Variants in ARHGAP11B observed in about 807,000 individuals in gnomAD.
The protein encoded by ARHGAP11B is inactive Rho GTPase-activating protein 11B.
A neutral mutation model predicts 27.6 loss-of-function variants in ARHGAP11B; 14 were observed. The ratio of observed to expected loss-of-function variants is 0.51; its 90% CI spans 0.34 to 0.79. ARHGAP11B has a LOEUF of 0.79. Ranked by LOEUF, ARHGAP11B falls within the 30% of genes least tolerant of loss-of-function variation. The probability of loss-of-function intolerance (pLI) is 0.02; values close to 1 mark genes in which losing one functional copy is unlikely to be tolerated. For missense variants in ARHGAP11B, 245 were observed against 320.1 expected (o/e 0.77, Z 1.79); for synonymous variants, 82 against 114.1 (o/e 0.72, Z 1.80).
At chr15:30,646,524 T>C (rs760261108) in intron 9 of ARHGAP11B, among the ~76,000 whole-genome samples, 11 of 151,926 alleles carry the variant, frequency 7.2e-5, no homozygotes, top group Non-Finnish European at 1.5e-4. Flanking sequence ...ATTTCCATTT[T>C]ATGTTAACTT....
At chr15:30,646,508 A>G (rs1305880280) in intron 9 of ARHGAP11B, among the ~76,000 whole-genome samples, 2 of 151,940 alleles carry the variant, frequency 1.3e-5, no homozygotes, top group Non-Finnish European at 2.9e-5. Context: ...TGTTTGTAAT[A>G]CTTAGATTTC....
intron 2 of ARHGAP11B, among the ~76,000 whole-genome samples, chr15:30,631,879 T>C (rs1484497889): frequency 1.3e-5 from 2 of 150,086 alleles, no homozygotes; most frequent in African/African-American, 4.9e-5. Context: ...CTTCACCTCC[T>C]GGGTTCAAGT....
chr15:30,633,939 TGC>T (rs1215584193), intron 3 of ARHGAP11B, among the ~76,000 whole-genome samples: 1 of 151,636 alleles, frequency 6.6e-6, no homozygotes, highest in Non-Finnish European at 1.5e-5. Context: ...GCAGGAAGAT[TGC>T]TTGAGCCTGG....
chr15:30,641,226 A>G (rs1243319015), intron 7 of ARHGAP11B, among the ~76,000 whole-genome samples: 7 of 152,048 alleles, frequency 4.6e-5, no homozygotes, highest in Admixed American at 3.9e-4. Flanking sequence ...CCATTTGCAA[A>G]ATTGAAAATA....
intron 10 of ARHGAP11B, among the ~76,000 whole-genome samples, chr15:30,648,199 T>A (rs1306768744): frequency 6.6e-6 from 1 of 152,050 alleles, no homozygotes; most frequent in African/African-American, 2.4e-5. Context: ...GCCACCCTTA[T>A]CTGTCCCTCA....
intron 2 of ARHGAP11B, among the ~76,000 whole-genome samples, chr15:30,632,427 GAAA>G (rs1255750048): frequency 1.4e-5 from 2 of 142,196 alleles, no homozygotes; most frequent in Admixed American, 1.4e-4. Context: ...AAAACTAAAA[GAAA>G]AAAAAAAAGC....
intron 2 of ARHGAP11B, among the ~76,000 whole-genome samples, chr15:30,632,769 A>G (rs1395878642): frequency 6.6e-6 from 1 of 151,736 alleles, no homozygotes. Context: ...GATATATCCT[A>G]CTTTTCTGAG....
chr15:30,628,705 A>G (rs1460590522), intron 1 of ARHGAP11B, among the ~76,000 whole-genome samples: 2 of 152,068 alleles, frequency 1.3e-5, no homozygotes, highest in African/African-American at 4.8e-5. Context: ...AGAATATTCT[A>G]ATGAAGAAAT....
At chr15:30,646,698 A>C (rs1167483144) in intron 9 of ARHGAP11B, among the ~76,000 whole-genome samples, 1 of 150,174 alleles carries the variant, frequency 6.7e-6, no homozygotes, top group Non-Finnish European at 1.5e-5. Context: ...GCCCAGGCGC[A>C]GTGGCTCATG....
chr15:30,643,379 A>G (rs2060326548), intron 7 of ARHGAP11B, among the ~76,000 whole-genome samples: 1 of 151,566 alleles, frequency 6.6e-6, no homozygotes, highest in South Asian at 2.1e-4. Flanking sequence ...ACCGGGTTCA[A>G]GCTATTCTCC....
chr15:30,637,595 G>A (rs1403604599), intron 6 of ARHGAP11B, among the ~76,000 whole-genome samples: 1 of 151,860 alleles, frequency 6.6e-6, no homozygotes, highest in Non-Finnish European at 1.5e-5. Flanking sequence ...TTAGCTGGGC[G>A]TGGTGGCGGG....
At chr15:30,647,421 A>G (rs1316084345) in intron 9 of ARHGAP11B, among the ~76,000 whole-genome samples, 3 of 151,916 alleles carry the variant, frequency 2.0e-5, no homozygotes, top group East Asian at 1.9e-4. Context: ...GTGTGTGTCT[A>G]TCAGGTAAGG....
chr15:30,647,989 GTC>G (rs1180871006), intron 10 of ARHGAP11B, among the ~76,000 whole-genome samples: 2 of 151,814 alleles, frequency 1.3e-5, no homozygotes, highest in Non-Finnish European at 2.9e-5. Context: ...TAGAGACAAG[GTC>G]TCTCTCTATG....
At chr15:30,628,942 A>T (rs758179378) in intron 1 of ARHGAP11B, among the ~76,000 whole-genome samples, 14 of 152,072 alleles carry the variant, frequency 9.2e-5, no homozygotes, top group Non-Finnish European at 1.9e-4. Context: ...TACCAGCCTA[A>T]GTATCTGGTT....
chr15:30,626,526 C>T (rs1240572337), exon 1 of ARHGAP11B: 2 of 452,088 alleles, frequency 4.4e-6, no homozygotes, highest in Non-Finnish European at 7.8e-6. Flanking sequence ...AGAAAGAAGT[C>T]TATGTGAGTA....
intron 7 of ARHGAP11B, among the ~76,000 whole-genome samples, chr15:30,644,204 G>T (rs1422107853): frequency 6.6e-6 from 1 of 151,828 alleles, no homozygotes; most frequent in Non-Finnish European, 1.5e-5. Context: ...ATATTTTGTT[G>T]TTTATCAAAT....
chr15:30,634,776 G>A (rs1037624896), intron 4 of ARHGAP11B, among the ~76,000 whole-genome samples: 1 of 150,832 alleles, frequency 6.6e-6, no homozygotes, highest in Non-Finnish European at 1.5e-5. Context: ...CATACTTGCT[G>A]CCTTCTGATA....
rs557493090 is a variant in ARHGAP11B, at chr15:30,648,442, A to G, written c.*510A>G. On this transcript the variant is annotated 3_prime_UTR_variant, in exon 11 of 11. Coordinates refer to ENST00000428041, the Ensembl canonical transcript of ARHGAP11B. The stretch of plus-strand genomic sequence containing the variant: ...GGAGGGTGAGTGGAACAAGGAAATG[A>G]CATAGGTTTAGGATTCAGACAGACC... Among the ~76,000 whole-genome samples, 8 of 151,988 alleles carry G rather than the reference A, an allele frequency of 5.3e-5. No homozygotes were observed. The South Asian group carries it at 8.3e-4, about 16-fold the overall frequency.
exon 5 of ARHGAP11B, chr15:30,635,167 G>A (rs1227307139): frequency 6.2e-7 from 1 of 1,613,378 alleles, no homozygotes; most frequent in Non-Finnish European, 8.5e-7. Flanking sequence ...ATGAAAAGAT[G>A]TCTTCTAACG....
Sources: gnomAD v4.1 joint callset for allele counts (sites outside exome capture counted in the v4.1 genomes callset) on GRCh38, gnomAD v4.1.1 for gene constraint, MANE v1.5 for transcripts, NCBI Gene and HGNC (gene_info 2026-07-23, HGNC 2026-07-21) for gene names.